Variants in UGT1A4 observed in about 807,000 individuals in gnomAD.
UGT1A4 encodes the protein UDP glucuronosyltransferase family 1 member A4, also known as UDP-glucuronosyltransferase 1A4.
UGT1A4 carries 32 observed loss-of-function variants against 41.1 expected under a neutral mutation model. The observed-to-expected ratio is 0.78, with a 90% CI of 0.59 to 1.05. The LOEUF (loss-of-function observed/expected upper bound fraction) is 1.05. Among genes scored for constraint, UGT1A4 ranks in the 50% least tolerant of loss-of-function variants. UGT1A4 has a pLI of 0.00. For missense variants in UGT1A4, 748 were observed against 677.4 expected (o/e 1.10, Z -1.16); for synonymous variants, 283 against 265.1 (o/e 1.07, Z -0.66).
In UGT1A4 at chr2:233,769,917, G is replaced by C. The variant is rs1699982353; in HGVS notation, c.1307+1478G>C. On this transcript the variant is annotated intron_variant, in intron 4 of 4. Transcript: ENST00000373409. The surrounding 1 kb of genome is among the most constrained non-coding windows in gnomAD (Gnocchi z 4.4). ...CTGAGCATCATGTGCCCAGAGCGTT[G>C]GGTGGTGTGGTCCCATTCCTTCCTT... 6.9e-6 allele frequency: 2 copies of C among 288,250 alleles called. No homozygotes were observed. The highest frequency in any genetic ancestry group is 1.3e-5 in the Non-Finnish European group (2 of 154,420). 17.9% of individuals were successfully genotyped at this position (288,250 alleles called of 1,614,324 possible). A position where few individuals can be genotyped will look rare whatever the true frequency, so the allele number is the denominator to read the frequency against.
intron 1 of UGT1A4, chr2:233,747,921 G>C: frequency 6.2e-7 from 1 of 1,613,394 alleles, no homozygotes; most frequent in Non-Finnish European, 8.5e-7. Flanking sequence ...CCTTGCCTCT[G>C]AGCTTTTTCA....
intron 1 of UGT1A4, chr2:233,729,792 C>A (rs370250320): frequency 4.3e-6 from 7 of 1,613,982 alleles, no homozygotes; most frequent in East Asian, 2.2e-5. Flanking sequence ...CCCTGTCCTA[C>A]ATTTGCCATG....
Position 233,769,941 on chromosome 2 carries a change from T to G in UGT1A4, c.1307+1502T>G. 1 of 227,092 alleles carries G rather than the reference T, an allele frequency of 4.4e-6. No individual in the cohort carries two copies. The highest frequency in any genetic ancestry group is 9.8e-5 in the East Asian group (1 of 10,154). 14.1% of individuals were successfully genotyped at this position (227,092 alleles called of 1,614,324 possible). On this transcript the variant is annotated intron_variant, in intron 4 of 4. Transcript: ENST00000373409. This position sits in a 1 kb window ranked among gnomAD's most constrained non-coding sequence, Gnocchi z 4.4. ...TGGGTGGTGTGGTCCCATTCCTTCC[T>G]TCCAGCGGCTTCTTCTGGCCACCTC...
intron 1 of UGT1A4, chr2:233,761,180 C>A (rs374898247): frequency 6.2e-7 from 1 of 1,614,128 alleles, no homozygotes; most frequent in East Asian, 2.2e-5. Context: ...CTTTTACATG[C>A]GTATATTCTT....
chr2:233,756,609 A>G (rs1242342387), intron 1 of UGT1A4, among the ~76,000 whole-genome samples: 4 of 152,200 alleles, frequency 2.6e-5, no homozygotes, highest in Admixed American at 2.0e-4. Flanking sequence ...CGAAACCATT[A>G]AGACTTGCAG....
chr2:233,743,837 G>T (rs371252305), intron 1 of UGT1A4: 2 of 1,367,128 alleles, frequency 1.5e-6, no homozygotes, highest in Non-Finnish European at 2.0e-6. Flanking sequence ...CCACTTGAGC[G>T]CCAGCTTGCG....
At chr2:233,758,501 A>C (rs1213021180) in intron 1 of UGT1A4, among the ~76,000 whole-genome samples, 2 of 152,232 alleles carry the variant, frequency 1.3e-5, no homozygotes, top group Admixed American at 6.5e-5. Context: ...AGAATTTCTA[A>C]TAAGGACACA....
intron 1 of UGT1A4, chr2:233,743,624 T>A (rs1166046864): frequency 3.7e-6 from 5 of 1,367,280 alleles, no homozygotes; most frequent in Admixed American, 3.8e-5. Flanking sequence ...CCTGAAGACG[T>A]CGGCTGGGTC....
intron 1 of UGT1A4, among the ~76,000 whole-genome samples, chr2:233,726,473 A>T (rs2077534267): frequency 6.6e-6 from 1 of 152,158 alleles, no homozygotes; most frequent in Non-Finnish European, 1.5e-5. Flanking sequence ...TCTTTAACAG[A>T]AATTTCCTTT....
intron 1 of UGT1A4, chr2:233,730,033 A>G (rs1166211754): frequency 6.2e-7 from 1 of 1,613,140 alleles, no homozygotes; most frequent in African/African-American, 1.3e-5. Flanking sequence ...GTTCCAGGCA[A>G]AACACTTTTT....
intron 1 of UGT1A4, among the ~76,000 whole-genome samples, chr2:233,720,698 G>A (rs2076882093): frequency 6.6e-6 from 1 of 151,018 alleles, no homozygotes; most frequent in South Asian, 2.1e-4. Context: ...CATTAAGGGA[G>A]CCATCCTTTT....
rs551912265 is a variant in UGT1A4 at position 233,725,264 on chromosome 2, G to GGAGGCAGAGGCA, written c.867+5619_867+5630dup. ...CAGAGGCAGAGGAGGCAGAGGCAGA[G>GGAGGCAGAGGCA]GAGGCAGAGGCAGAGGCAGAGGCAG... On this transcript the variant is annotated intron_variant, in intron 1 of 4. Transcript: ENST00000373409. Among the ~76,000 whole-genome samples, 48 of 58,548 alleles carry GGAGGCAGAGGCA rather than the reference G, an allele frequency of 8.2e-4. 10 individuals are homozygous for GGAGGCAGAGGCA. Among genetic ancestry groups the GGAGGCAGAGGCA allele is most frequent in the Non-Finnish European group, 1.1e-3 (35 of 32,858 alleles). 38.4% of individuals were successfully genotyped at this position (58,548 alleles called of 152,430 possible). A position where few individuals can be genotyped will look rare whatever the true frequency, so the allele number is the denominator to read the frequency against.
chr2:233,743,766 C>G (rs750440547), intron 1 of UGT1A4: 10 of 1,367,368 alleles, frequency 7.3e-6, no homozygotes, highest in Non-Finnish European at 9.8e-6. Flanking sequence ...TCGTAGGCCT[C>G]GGCCACCTGC....
At chr2:233,724,373 G>A (rs2077243992) in intron 1 of UGT1A4, among the ~76,000 whole-genome samples, 1 of 147,660 alleles carries the variant, frequency 6.8e-6, no homozygotes, top group African/African-American at 2.5e-5. Flanking sequence ...CGGGGTGGCT[G>A]CCGGGCGGAG....
At position 233,719,672 on chromosome 2, in the gene UGT1A4, G is replaced by T. The variant is rs777502728; in HGVS notation, c.852G>T (p.Gly284=). Reference sequence around the variant, plus strand: ...TTGGGGGCATCAACTGTGCCAACGGGAAGCCACTATCTCAGGTCTGTATTG... The same window carrying T: ...TTGGGGGCATCAACTGTGCCAACGGTAAGCCACTATCTCAGGTCTGTATTG... ...VFIGGINCAN[G]KPLSQEFEAY... The change falls in exon 1 of 5, where the codon GGG becomes GGT. Residue 284 remains glycine, a synonymous_variant. Transcript: ENST00000373409. 4.6e-5 allele frequency: 75 copies of T among 1,613,516 alleles called. No individual in the cohort carries two copies. Among genetic ancestry groups the T allele is most frequent in the Non-Finnish European group, 6.0e-5 (71 of 1,179,918 alleles).
chr2:233,727,949 G>C (rs1469801849), intron 1 of UGT1A4, among the ~76,000 whole-genome samples: 1 of 152,198 alleles, frequency 6.6e-6, no homozygotes, highest in African/African-American at 2.4e-5. Flanking sequence ...CAGACAGCCT[G>C]CCCACATCAT....
chr2:233,728,968 T>C (rs1359858521), intron 1 of UGT1A4: 14 of 1,468,408 alleles, frequency 9.5e-6, no homozygotes, highest in Non-Finnish European at 1.3e-5. Context: ...AAAACAGTGA[T>C]AGATTAATGG....
intron 1 of UGT1A4, chr2:233,753,313 T>C (rs1338043588): frequency 2.0e-5 from 3 of 152,278 alleles, no homozygotes; most frequent in Non-Finnish European, 4.4e-5. Context: ...TGTGCCCCTG[T>C]GGGATGGTGC....
intron 1 of UGT1A4, among the ~76,000 whole-genome samples, chr2:233,749,032 A>G (rs1468122905): frequency 5.3e-5 from 8 of 151,716 alleles, no homozygotes; most frequent in Non-Finnish European, 1.2e-4. Flanking sequence ...TTTGGGGTTC[A>G]TTGATGTGGT....
Sources: gnomAD v4.1 joint callset for allele counts (sites outside exome capture counted in the v4.1 genomes callset) on GRCh38, gnomAD v4.1.1 for gene constraint, Gnocchi (gnomAD v3.1) non-coding constraint, MANE v1.5 for transcripts, NCBI Gene and HGNC (gene_info 2026-07-23, HGNC 2026-07-21) for gene names.